GPR158: variants seen among roughly 807,000 people sequenced by gnomAD.
The protein encoded by GPR158 is metabotropic glycine receptor.
Under a neutral mutation model 78.2 loss-of-function variants are expected in GPR158, and 30 were observed. The ratio of observed to expected loss-of-function variants is 0.38; its 90% CI spans 0.29 to 0.52. The LOEUF is 0.52. Ranked by LOEUF, GPR158 falls within the 20% of genes least tolerant of loss-of-function variation. The pLI, the probability that GPR158 is intolerant of heterozygous loss-of-function variation, is 0.83. For missense variants in GPR158, 1,463 were observed against 1,523.5 expected (o/e 0.96, Z 0.66); for synonymous variants, 581 against 591.1 (o/e 0.98, Z 0.25).
chr10:25,384,779 C>T (rs1013795487), intron 2 of GPR158, among the ~76,000 whole-genome samples: 1 of 152,024 alleles, frequency 6.6e-6, no homozygotes, highest in African/African-American at 2.4e-5. Flanking sequence ...TATCTCCATA[C>T]AAATCTTCTT....
intron 5 of GPR158, among the ~76,000 whole-genome samples, chr10:25,528,872 A>ATAC (rs1485412395): frequency 6.6e-6 from 1 of 152,218 alleles, no homozygotes; most frequent in African/African-American, 2.4e-5. Context: ...AATTACTCTA[A>ATAC]AGTTACAGGA....
At position 25,453,457 on chromosome 10, in the gene GPR158, C is replaced by G. The variant is rs142388624; in HGVS notation, c.1336-13194C>G. 9.7e-3 allele frequency among the ~76,000 whole-genome samples: 1,469 copies of G among 152,062 alleles called. 16 individuals are homozygous for G. The highest frequency in any genetic ancestry group is 0.068 in the Middle Eastern group (20 of 294). The stretch of plus-strand genomic sequence containing the variant: ...GTGACATCTTATGGTAGTTTTATTT[C>G]TTGTATCTTTGTTTTTCTTCATTTC... On this transcript the variant is annotated intron_variant, in intron 4 of 10. Transcript: ENST00000376351.
chr10:25,540,535 A>T (rs561284944), intron 5 of GPR158, among the ~76,000 whole-genome samples: 250 of 152,288 alleles, frequency 1.6e-3, no homozygotes, highest in African/African-American at 5.8e-3. Context: ...AAGACTTGGA[A>T]CCAACCCAAA....
rs148674304 is a variant in GPR158 at position 25,596,850 on chromosome 10, G to A, written c.2145+61G>A. ...ATTAGCCTTATTTATACAGGCAGGC[G>A]TGTGTGGGTTGGGGTGCGTGTGTGC... On this transcript the variant is annotated intron_variant, in intron 10 of 10. Coordinates refer to ENST00000376351, the MANE Select transcript of GPR158 (RefSeq NM_020752.3). 2.7e-3 allele frequency: 3,984 copies of A among 1,477,250 alleles called. 9 individuals are homozygous for A. Among genetic ancestry groups the A allele is most frequent in the Admixed American group, 3.6e-3 (204 of 56,384 alleles). The allele number at this position is 1,477,250 out of a possible 1,614,324, so 91.5% of individuals were successfully genotyped here.
chr10:25,402,172 A>C (rs562406358), intron 3 of GPR158, among the ~76,000 whole-genome samples: 159 of 152,232 alleles, frequency 1.0e-3, no homozygotes, highest in Non-Finnish European at 2.1e-3. Context: ...GTTCCTGCCA[A>C]AAGTTAATAA....
rs1455630951 is a variant in GPR158, at chr10:25,300,902, C to G, written c.1008+79745C>G. 6.6e-5 allele frequency among the ~76,000 whole-genome samples: 10 copies of G among 152,122 alleles called. No individual in the cohort carries two copies. The East Asian group carries it at 1.7e-3, about 27-fold the overall frequency. On this transcript the variant is annotated intron_variant, in intron 2 of 10. Transcript: ENST00000376351. ...AGTAAAATTGATTGAATTCATTTGG[C>G]TTTGTCTAAATGAGGCACTATCAGA...
At chr10:25,299,784 T>C (rs2130773360) in intron 2 of GPR158, among the ~76,000 whole-genome samples, 1 of 152,334 alleles carries the variant, frequency 6.6e-6, no homozygotes, top group Middle Eastern at 3.4e-3. Context: ...AAAGTTTAAC[T>C]TACCTTATTA....
At chr10:25,392,832 AT>A (rs1834319217) in intron 2 of GPR158, among the ~76,000 whole-genome samples, 1 of 152,212 alleles carries the variant, frequency 6.6e-6, no homozygotes, top group Non-Finnish European at 1.5e-5. Flanking sequence ...ATAAAAAAAA[AT>A]AAGCCAAGAC....
chr10:25,175,731 A>G lies in GPR158; in HGVS notation c.311A>G (p.Glu104Gly), dbSNP rs1452660751. Residue 104 changes from glutamate (E) to glycine (G), a missense_variant, in exon 1 of 11, where the codon GAG becomes GGG. Glu to Gly is a moderately conservative substitution (Grantham distance 98). Coordinates refer to ENST00000376351, the MANE Select transcript of GPR158 (RefSeq NM_020752.3). The surrounding 1 kb of genome is among the most constrained non-coding windows in gnomAD (Gnocchi z 6.4). ...LKRANCSGRYELAGLPGKWPA... is the reference protein window; with the variant it reads ...LKRANCSGRYGLAGLPGKWPA... ...CGAGCCAACTGCTCCGGCCGCTACGAGTTGGCGGGCCTGCCGGGGAAGTGG... is the reference window on the plus strand; with the variant it reads ...CGAGCCAACTGCTCCGGCCGCTACGGGTTGGCGGGCCTGCCGGGGAAGTGG... 6.2e-7 allele frequency: 1 copy of G among 1,611,568 alleles called. No homozygotes were observed. Among genetic ancestry groups the G allele is most frequent in the Non-Finnish European group, 8.5e-7 (1 of 1,179,902 alleles).
chr10:25,403,832 C>G (rs773922808), intron 3 of GPR158, among the ~76,000 whole-genome samples: 3 of 151,992 alleles, frequency 2.0e-5, no homozygotes, highest in Non-Finnish European at 4.4e-5. Flanking sequence ...AACTAAGCAT[C>G]TGTATTATAG....
At position 25,176,187 on chromosome 10, in the gene GPR158, T is replaced by A. The variant is rs761948379; in HGVS notation, c.767T>A (p.Leu256His). 1 of 1,576,946 alleles carries A rather than the reference T, an allele frequency of 6.3e-7. No individual in the cohort carries two copies. Among genetic ancestry groups the A allele is most frequent in the Non-Finnish European group, 8.6e-7 (1 of 1,161,924 alleles). The stretch of plus-strand genomic sequence containing the variant: ...CACAGCTGGCGGCGCAAGGACGGGC[T>A]CGGCGGGGACAAGAGCCACTTCAAG... ...LGHSWRRKDG[L>H]GGDKSHFKWS... Residue 256 changes from leucine to histidine, a missense_variant, in exon 1 of 11, where the codon CTC becomes CAC. Transcript: ENST00000376351. This position sits in a 1 kb window ranked among gnomAD's most constrained non-coding sequence, Gnocchi z 6.3.
chr10:25,260,508 CTTTTT>C (rs879658572), intron 2 of GPR158, among the ~76,000 whole-genome samples: 1 of 145,180 alleles, frequency 6.9e-6, no homozygotes, highest in Non-Finnish European at 1.5e-5. Context: ...ATATGTTAGG[CTTTTT>C]TTTTTTAACT....
intron 2 of GPR158, among the ~76,000 whole-genome samples, chr10:25,366,905 A>G (rs1452724584): frequency 6.6e-6 from 1 of 151,652 alleles, no homozygotes; most frequent in Non-Finnish European, 1.5e-5. Context: ...TCACATTGGC[A>G]TGTCTATCTT....
intron 2 of GPR158, among the ~76,000 whole-genome samples, chr10:25,340,857 G>A (rs1430492444): frequency 6.6e-6 from 1 of 151,936 alleles, no homozygotes; most frequent in Non-Finnish European, 1.5e-5. Flanking sequence ...GCCACAGGAA[G>A]TACTATTAAC....
At chr10:25,554,604 A>G (rs1179338389) in intron 6 of GPR158, among the ~76,000 whole-genome samples, 1 of 152,162 alleles carries the variant, frequency 6.6e-6, no homozygotes, top group African/African-American at 2.4e-5. Flanking sequence ...GGTTTTGTTC[A>G]CTTTTACCAA....
At chr10:25,447,437 CTCTG>C (rs1835152571) in intron 4 of GPR158, among the ~76,000 whole-genome samples, 1 of 152,316 alleles carries the variant, frequency 6.6e-6, no homozygotes, top group East Asian at 1.9e-4. Flanking sequence ...ATGTGTGGTG[CTCTG>C]TCTGAGTCTT....
Position 25,530,400 on chromosome 10 carries a change from A to C in GPR158, c.1405-20576A>C, listed in dbSNP as rs527986594. Among the ~76,000 whole-genome samples, 31 of 152,282 alleles carry C rather than the reference A, an allele frequency of 2.0e-4. No individual in the cohort carries two copies. The South Asian group carries it at 6.2e-3, about 31-fold the overall frequency. ...GAGCAGCTCAAAATGACCTGTAGCG[A>C]TAAAATATTATTACGGATGTAGAAT... On this transcript the variant is annotated intron_variant, in intron 5 of 10. Coordinates refer to ENST00000376351, the MANE Select transcript of GPR158 (RefSeq NM_020752.3).
At chr10:25,455,369 TA>T (rs1348852043) in intron 4 of GPR158, among the ~76,000 whole-genome samples, 1 of 152,164 alleles carries the variant, frequency 6.6e-6, no homozygotes, top group Non-Finnish European at 1.5e-5. Flanking sequence ...GAATTGCTTT[TA>T]AAAAAATCTG....
intron 2 of GPR158, among the ~76,000 whole-genome samples, chr10:25,296,128 C>T (rs1854510096): frequency 6.6e-6 from 1 of 151,646 alleles, no homozygotes; most frequent in Non-Finnish European, 1.5e-5. Context: ...CAGGGGATAC[C>T]CTGGAACACA....
Sources: allele counts gnomAD v4.1 joint callset (sites outside exome capture counted in the v4.1 genomes callset), GRCh38; gene constraint gnomAD v4.1.1; non-coding constraint Gnocchi (gnomAD v3.1); transcripts MANE v1.5; gene names NCBI Gene and HGNC (gene_info 2026-07-23, HGNC 2026-07-21).